FAM118A: variants seen among roughly 807,000 people sequenced by gnomAD.
FAM118A encodes SIR2 antiphage like 2, also known as protein FAM118A.
Under a neutral mutation model 38.2 loss-of-function variants are expected in FAM118A, and 25 were observed. That is an observed-to-expected ratio of 0.65 (90% confidence interval 0.48 to 0.91). FAM118A has a LOEUF of 0.91. Ranked by LOEUF, FAM118A falls within the 40% of genes least tolerant of loss-of-function variation. The probability of loss-of-function intolerance (pLI) is 0.00; values close to 1 mark genes in which losing one functional copy is unlikely to be tolerated. For synonymous variants in FAM118A, 178 were observed against 184.1 expected (o/e 0.97, Z 0.27); for missense variants, 425 against 463.3 (o/e 0.92, Z 0.76).
intron 5 of FAM118A, among the ~76,000 whole-genome samples, 170 bp from the exon 6 acceptor site, chr22:45,332,255 T>C (rs1289275600): frequency 1.4e-5 from 2 of 146,942 alleles, no homozygotes; most frequent in Non-Finnish European, 3.0e-5. Flanking sequence ...GGGGGTGGCC[T>C]GAGTGCCATG....
chr22:45,333,689 AAAAG>A (rs1411576235), intron 6 of FAM118A, among the ~76,000 whole-genome samples: 7 of 150,844 alleles, frequency 4.6e-5, no homozygotes, highest in African/African-American at 1.2e-4. Context: ...AAAAAAAAAA[AAAAG>A]AGCTGGGTTT....
At chr22:45,328,784 C>CA in intron 4 of FAM118A, 5 of 261,292 alleles carry the variant, frequency 1.9e-5, no homozygotes, top group South Asian at 9.1e-5. Flanking sequence ...TCTCAAAAAA[C>CA]AAAAGAAAAA....
At chr22:45,319,395 C>T (rs189462887) in intron 1 of FAM118A, among the ~76,000 whole-genome samples, 91 of 152,298 alleles carry the variant, frequency 6.0e-4, no homozygotes, top group Middle Eastern at 6.8e-3. Flanking sequence ...CTGATGAGCC[C>T]TCTTATCGTC....
chr22:45,314,222 C>G (rs1004012528), intron 1 of FAM118A, among the ~76,000 whole-genome samples: 16 of 152,210 alleles, frequency 1.1e-4, no homozygotes, highest in Admixed American at 1.0e-3. Context: ...ACCCCGCCCC[C>G]CAAGCTAACA....
At chr22:45,327,584 A>G (rs5766654) in intron 3 of FAM118A, among the ~76,000 whole-genome samples, 134,297 of 152,138 alleles carry the variant, frequency 0.88, 59,358 homozygotes, top group African/African-American at 0.91. Flanking sequence ...AGGCTTGCCT[A>G]GTGTCTTGGT....
Position 45,327,923 on chromosome 22 carries a change from C to G in FAM118A, c.382C>G (p.Pro128Ala). ...CGACCTGGAGCAGCACATCCGGAGT[C>G]CTGTGGTGCTGCAGTCGATCCTCAG... is the stretch of plus-strand genomic sequence containing the variant. ...FDDLEQHIRS[P>A]VVLQSILSLM... The change falls in exon 4 of 9, where the codon CCT (proline) becomes GCT (alanine). Residue 128 changes from proline (P) to alanine (A), a missense_variant. Physicochemically the swap from Pro to Ala is conservative, Grantham distance 27. Coordinates refer to ENST00000441876, the MANE Select transcript of FAM118A (RefSeq NM_017911.4). 1.9e-6 allele frequency: 3 copies of G among 1,614,248 alleles called. No homozygotes were observed. Among genetic ancestry groups the G allele is most frequent in the Non-Finnish European group, 2.5e-6 (3 of 1,180,054 alleles).
intron 6 of FAM118A, among the ~76,000 whole-genome samples, chr22:45,334,198 C>G (rs1167193447): frequency 2.6e-5 from 4 of 152,164 alleles, no homozygotes; most frequent in Non-Finnish European, 5.9e-5. Flanking sequence ...AATTCTTAAA[C>G]TTGGTCATCT....
chr22:45,339,091 C>T (rs544597085), intron 8 of FAM118A, among the ~76,000 whole-genome samples: 6 of 152,268 alleles, frequency 3.9e-5, no homozygotes, highest in African/African-American at 1.2e-4. Flanking sequence ...GTCACAGACT[C>T]GACATCCTCT....
At chr22:45,325,660 G>C (rs756133878) in intron 3 of FAM118A, among the ~76,000 whole-genome samples, 2 of 152,168 alleles carry the variant, frequency 1.3e-5, no homozygotes, top group African/African-American at 2.4e-5. Flanking sequence ...TCTTGGTAAC[G>C]ATAAGGCCTT....
chr22:45,339,330 C>T (rs556934476), intron 8 of FAM118A, among the ~76,000 whole-genome samples: 63 of 150,056 alleles, frequency 4.2e-4, no homozygotes, highest in Middle Eastern at 3.4e-3. Flanking sequence ...ACCCAGGAGG[C>T]GGAGGTTGCA....
chr22:45,340,600 G>C lies in FAM118A; in HGVS notation c.*195G>C. The C allele has an allele frequency of 9.5e-6, 6 of 634,664 alleles. No homozygotes were observed. In the South Asian group the frequency reaches 1.2e-4, roughly 13 times the overall value. 39.3% of individuals were successfully genotyped at this position (634,664 alleles called of 1,614,324 possible). A position where few individuals can be genotyped will look rare whatever the true frequency, so the allele number is the denominator to read the frequency against. ...CCTGTGTGTTGAACTATGCAGGAGG[G>C]TGACGCGGACACATTTCAGGTGGAC... On this transcript the variant is annotated 3_prime_UTR_variant, in exon 9 of 9. Transcript: ENST00000441876.
At position 45,338,624 on chromosome 22, in the gene FAM118A, C is replaced by T. The variant is rs1463119511; in HGVS notation, c.1055-1762C>T. ...AAGTCAACCTGGTTATCTGACTCTA[C>T]TACATTCCTGAAAACATTGAGAGAG... is the stretch of plus-strand genomic sequence containing the variant. On this transcript the variant is annotated intron_variant, in intron 8 of 8. Coordinates refer to ENST00000441876, the MANE Select transcript of FAM118A (RefSeq NM_017911.4). 2.0e-5 allele frequency among the ~76,000 whole-genome samples: 3 copies of T among 152,338 alleles called. No individual in the cohort carries two copies. In the South Asian group the frequency reaches 6.2e-4, roughly 32 times the overall value.
At chr22:45,340,067 A>G (rs767041378) in intron 8 of FAM118A, among the ~76,000 whole-genome samples, 2 of 152,182 alleles carry the variant, frequency 1.3e-5, no homozygotes, top group Non-Finnish European at 2.9e-5. Flanking sequence ...CATACCTCCA[A>G]CAGGCTCTCA....
chr22:45,335,560 G>C (rs1411457349), intron 7 of FAM118A, among the ~76,000 whole-genome samples, 178 bp downstream of exon 7: 1 of 152,148 alleles, frequency 6.6e-6, no homozygotes, highest in East Asian at 1.9e-4. Flanking sequence ...GCCACACCAA[G>C]AGACTAAAAG....
At chr22:45,334,594 C>T (rs367725574) in intron 6 of FAM118A, among the ~76,000 whole-genome samples, 3 of 152,170 alleles carry the variant, frequency 2.0e-5, no homozygotes, top group East Asian at 3.8e-4. Flanking sequence ...CTCGGAGTTC[C>T]ATATTCTCAC....
At chr22:45,321,910 G>A in intron 1 of FAM118A, 1 of 249,558 alleles carries the variant, frequency 4.0e-6, no homozygotes, top group South Asian at 4.4e-5. Context: ...CTCCAGTCCA[G>A]TGCTCTGCAC....
intron 3 of FAM118A, among the ~76,000 whole-genome samples, chr22:45,327,598 G>A (rs914732257): frequency 6.6e-6 from 1 of 152,144 alleles, no homozygotes; most frequent in African/African-American, 2.4e-5. Flanking sequence ...TCTTGGTCCT[G>A]TCCACCTCCC....
chr22:45,312,267 G>A (rs1031978337), intron 1 of FAM118A, among the ~76,000 whole-genome samples: 11 of 152,102 alleles, frequency 7.2e-5, no homozygotes, highest in Non-Finnish European at 1.3e-4. Context: ...CAAGTTGAGG[G>A]CTCAGTCCCC....
chr22:45,336,748 C>T (rs1015259603), intron 8 of FAM118A, among the ~76,000 whole-genome samples: 2 of 152,176 alleles, frequency 1.3e-5, no homozygotes, highest in Non-Finnish European at 2.9e-5. Context: ...AGGTCAGCTC[C>T]GCATTTTTGC....
Sources: gnomAD v4.1 joint callset for allele counts (sites outside exome capture counted in the v4.1 genomes callset) on GRCh38, gnomAD v4.1.1 for gene constraint, MANE v1.5 for transcripts, NCBI Gene and HGNC (gene_info 2026-07-23, HGNC 2026-07-21) for gene names.